The following BTC variants were observed in gnomAD, a reference collection of about 807,000 sequenced individuals.
BTC encodes betacellulin.
A neutral mutation model predicts 18.1 loss-of-function variants in BTC; 13 were observed. That is an observed-to-expected ratio of 0.72 (90% CI 0.47 to 1.14). The LOEUF (loss-of-function observed/expected upper bound fraction) is 1.14. BTC is among the 50% of genes most tolerant of loss of function. The pLI, the probability that BTC is intolerant of heterozygous loss-of-function variation, is 0.00. For synonymous variants in BTC, 83 were observed against 79.4 expected, an observed-to-expected ratio of 1.05 and a Z score of -0.24; for missense variants, 247 against 224.2, an observed-to-expected ratio of 1.10 and a Z score of -0.65.
chr4:74,764,068 A>T (rs1351886149), intron 2 of BTC, among the ~76,000 whole-genome samples: 1 of 152,140 alleles, frequency 6.6e-6, no homozygotes, highest in African/African-American at 2.4e-5. Flanking sequence ...ATGTCCCCAG[A>T]CCAAGTCTCA....
At chr4:74,759,058 T>C (rs1724679661) in intron 2 of BTC, among the ~76,000 whole-genome samples, 1 of 152,076 alleles carries the variant, frequency 6.6e-6, no homozygotes, top group Non-Finnish European at 1.5e-5. Context: ...GAACGGCACC[T>C]AAAATTTCAG....
At chr4:74,757,116 T>C (rs1675906166) in intron 2 of BTC, among the ~76,000 whole-genome samples, 1 of 152,194 alleles carries the variant, frequency 6.6e-6, no homozygotes, top group Admixed American at 6.5e-5. Context: ...GGTGTGTTCA[T>C]GTCAGAAGAG....
intron 5 of BTC, among the ~76,000 whole-genome samples, chr4:74,746,978 A>G (rs145957724): frequency 0.011 from 1,736 of 152,282 alleles, 15 homozygotes; most frequent in Non-Finnish European, 0.017. Context: ...CCTAAGAGGA[A>G]CTGACCAAGG....
chr4:74,765,756 G>T (rs868110899), intron 2 of BTC, among the ~76,000 whole-genome samples: 4 of 152,046 alleles, frequency 2.6e-5, no homozygotes, highest in Non-Finnish European at 5.9e-5. Context: ...TACTTTTCAC[G>T]CACAAAGAAA....
chr4:74,784,987 T>C (rs1424096778), intron 1 of BTC, among the ~76,000 whole-genome samples: 1 of 152,180 alleles, frequency 6.6e-6, no homozygotes, highest in East Asian at 1.9e-4. Context: ...CTGGAATAGT[T>C]TCAGTTGAAA....
At chr4:74,789,312 A>G (rs944473162) in intron 1 of BTC, among the ~76,000 whole-genome samples, 3 of 152,054 alleles carry the variant, frequency 2.0e-5, no homozygotes, top group Non-Finnish European at 4.4e-5. Context: ...CAAAGTACAA[A>G]CTCTAACACT....
At chr4:74,758,571 A>C (rs1310473837) in intron 2 of BTC, among the ~76,000 whole-genome samples, 1 of 152,150 alleles carries the variant, frequency 6.6e-6, no homozygotes, top group East Asian at 1.9e-4. Flanking sequence ...TATCAAAGTC[A>C]TTTGGCTATG....
intron 1 of BTC, among the ~76,000 whole-genome samples, chr4:74,775,418 C>T (rs575164758): frequency 6.6e-6 from 1 of 152,176 alleles, no homozygotes; most frequent in South Asian, 2.1e-4. Flanking sequence ...AAATATGATA[C>T]TCAGCTGTAG....
chr4:74,751,449 C>T (rs1354425389), intron 3 of BTC, among the ~76,000 whole-genome samples: 1 of 152,152 alleles, frequency 6.6e-6, no homozygotes, highest in Non-Finnish European at 1.5e-5. Flanking sequence ...ATTTGCAGAT[C>T]TGTTCACCGT....
chr4:74,750,252 G>A (rs945928421), intron 4 of BTC, among the ~76,000 whole-genome samples: 3 of 152,136 alleles, frequency 2.0e-5, no homozygotes, highest in Admixed American at 6.6e-5. Context: ...TTATTTTAAT[G>A]TGGCAAAGCA....
In BTC at chr4:74,745,239, G is replaced by C. The variant is rs1724259789; in HGVS notation, c.*1438C>G. On this transcript the variant is annotated 3_prime_UTR_variant, in exon 6 of 6. Coordinates refer to ENST00000395743, the MANE Select transcript of BTC (RefSeq NM_001729.4). ...TTGTTTGGCTTAGCTTTTACTAATA[G>C]GGGAGCTATTTATGTATCATATGTA... is the stretch of plus-strand genomic sequence containing the variant. The C allele has an allele frequency of 6.6e-6, 1 of 152,156 alleles. No individual in the cohort carries two copies. The highest frequency in any genetic ancestry group is 2.1e-4 in the South Asian group (1 of 4,820). 9.4% of individuals were successfully genotyped at this position (152,156 alleles called of 1,614,324 possible).
At chr4:74,786,270 A>C (rs1341625921) in intron 1 of BTC, among the ~76,000 whole-genome samples, 1 of 152,216 alleles carries the variant, frequency 6.6e-6, no homozygotes, top group Non-Finnish European at 1.5e-5. Flanking sequence ...GGCTTTCTGC[A>C]CCAGAAGACA....
In BTC at chr4:74,771,510, G is replaced by A. The variant is rs544619589; in HGVS notation, c.65-1354C>T. ...GATCCTCAAGTTGCCCCCAAGTTGT[G>A]GAGCCAATTAACCATAACACAAAGT... On this transcript the variant is annotated intron_variant, in intron 1 of 5. Transcript: ENST00000395743. Among the ~76,000 whole-genome samples the A allele has an allele frequency of 3.3e-5, 5 of 152,258 alleles. No homozygotes were observed. The South Asian group carries it at 8.3e-4, about 25-fold the overall frequency.
chr4:74,755,995 T>A lies in BTC; in HGVS notation c.164-19A>T, dbSNP rs1553956677. The A allele has an allele frequency of 6.3e-7, 1 of 1,575,838 alleles. No homozygotes were observed. The highest frequency in any genetic ancestry group is 1.1e-5 in the South Asian group (1 of 90,264). On this transcript the variant is annotated intron_variant, in intron 2 of 5. Transcript: ENST00000395743. ...GTGGTAGCTGGAAAATGAGAAAAAG[T>A]TCAATAAATCAACTCTCTTTAAATA...
chr4:74,760,536 CA>C (rs1285765204), intron 2 of BTC, among the ~76,000 whole-genome samples: 12 of 152,192 alleles, frequency 7.9e-5, no homozygotes, highest in Admixed American at 7.2e-4. Context: ...TGTAAATTCA[CA>C]GTGTCCTTGA....
intron 1 of BTC, among the ~76,000 whole-genome samples, chr4:74,778,678 G>A (rs542964611): frequency 2.5e-4 from 38 of 152,236 alleles, no homozygotes; most frequent in African/African-American, 7.7e-4. Flanking sequence ...TTTCCCACTG[G>A]TCAAAATTCA....
intron 2 of BTC, among the ~76,000 whole-genome samples, chr4:74,760,854 C>A (rs907232211): frequency 6.6e-6 from 1 of 152,020 alleles, no homozygotes; most frequent in Non-Finnish European, 1.5e-5. Flanking sequence ...CCTACCTCAG[C>A]CTCCTGAGTA....
intron 4 of BTC, among the ~76,000 whole-genome samples, chr4:74,748,948 A>G (rs1249262105): frequency 6.6e-6 from 1 of 152,210 alleles, no homozygotes; most frequent in African/African-American, 2.4e-5. Context: ...TCTGCCCTAA[A>G]CCTGGCATAA....
chr4:74,754,210 G>C (rs1451796338), intron 3 of BTC, among the ~76,000 whole-genome samples: 1 of 152,148 alleles, frequency 6.6e-6, no homozygotes, highest in Non-Finnish European at 1.5e-5. Context: ...TAAGGCCTTG[G>C]TCTGGAAATT....
Sources: allele counts gnomAD v4.1 joint callset (sites outside exome capture counted in the v4.1 genomes callset), GRCh38; gene constraint gnomAD v4.1.1; transcripts MANE v1.5; gene names NCBI Gene and HGNC (gene_info 2026-07-23, HGNC 2026-07-21).